Variants in FAM110B observed in about 807,000 individuals in gnomAD.
The protein encoded by FAM110B is family with sequence similarity 110 member B.
FAM110B carries 6 observed loss-of-function variants against 20.4 expected under a neutral mutation model. That is an observed-to-expected ratio of 0.29 (90% CI 0.16 to 0.58). The LOEUF is 0.58. Among genes scored for constraint, FAM110B ranks in the 20% least tolerant of loss-of-function variants. The probability of loss-of-function intolerance (pLI) is 0.90; values close to 1 mark genes in which losing one functional copy is unlikely to be tolerated. For missense variants in FAM110B, 434 were observed against 498.2 expected (o/e 0.87, Z 1.23); for synonymous variants, 226 against 214.1 (o/e 1.06, Z -0.49).
intron 3 of FAM110B, among the ~76,000 whole-genome samples, chr8:58,107,512 G>A (rs1260113197): frequency 6.6e-6 from 1 of 152,170 alleles, no homozygotes. Context: ...GGGATTTATT[G>A]TGTGTTTTGT....
At chr8:58,137,416 C>T (rs1033214377) in intron 3 of FAM110B, among the ~76,000 whole-genome samples, 5 of 152,154 alleles carry the variant, frequency 3.3e-5, no homozygotes, top group African/African-American at 9.7e-5. Flanking sequence ...CAAAAATTAG[C>T]CAGGCGTAGT....
intron 1 of FAM110B, among the ~76,000 whole-genome samples, chr8:58,023,508 C>A (rs1381549461): frequency 6.6e-6 from 1 of 152,138 alleles, no homozygotes; most frequent in Non-Finnish European, 1.5e-5. Flanking sequence ...AATCTCAGGT[C>A]CTGCACAAGT....
chr8:58,068,705 C>G (rs181633625), intron 2 of FAM110B, among the ~76,000 whole-genome samples: 1 of 151,778 alleles, frequency 6.6e-6, no homozygotes, highest in Non-Finnish European at 1.5e-5. Context: ...ATGAAAAAAA[C>G]CATTTAACAT....
intron 3 of FAM110B, among the ~76,000 whole-genome samples, chr8:58,135,363 T>C (rs1172027481): frequency 6.6e-6 from 1 of 152,222 alleles, no homozygotes; most frequent in African/African-American, 2.4e-5. Context: ...ATGTGCTTAA[T>C]AGGAAGTGGT....
chr8:58,056,938 C>G (rs773469936), intron 2 of FAM110B, among the ~76,000 whole-genome samples: 2 of 152,098 alleles, frequency 1.3e-5, no homozygotes, highest in African/African-American at 2.4e-5. Flanking sequence ...GACGCAAGGC[C>G]GAAAATGAGG....
chr8:58,057,363 A>G (rs1416219220), intron 2 of FAM110B, among the ~76,000 whole-genome samples: 1 of 152,212 alleles, frequency 6.6e-6, no homozygotes, highest in Non-Finnish European at 1.5e-5. Context: ...GTGCACAAAC[A>G]CAGGGCACAT....
chr8:58,051,775 A>G (rs988254788), intron 2 of FAM110B, among the ~76,000 whole-genome samples: 1 of 152,106 alleles, frequency 6.6e-6, no homozygotes, highest in African/African-American at 2.4e-5. Context: ...CACCTAAAAT[A>G]AGTTGTTAAC....
chr8:58,017,202 A>G (rs1055314728), intron 1 of FAM110B, among the ~76,000 whole-genome samples: 1 of 152,200 alleles, frequency 6.6e-6, no homozygotes, highest in Non-Finnish European at 1.5e-5. Flanking sequence ...CAAAGATTTG[A>G]GCATTTACAA....
intron 2 of FAM110B, among the ~76,000 whole-genome samples, chr8:58,052,641 G>T (rs1343665564): frequency 6.6e-6 from 1 of 152,074 alleles, no homozygotes; most frequent in Admixed American, 6.5e-5. Context: ...CAGGGATGGA[G>T]ATAGATGTAT....
chr8:58,104,897 A>G (rs1288691910), intron 3 of FAM110B, among the ~76,000 whole-genome samples: 1 of 151,450 alleles, frequency 6.6e-6, no homozygotes, highest in Non-Finnish European at 1.5e-5. Context: ...GTAACTTTGC[A>G]TCAGCCACAT....
chr8:58,073,976 T>C (rs866639803), intron 2 of FAM110B, among the ~76,000 whole-genome samples: 1 of 152,206 alleles, frequency 6.6e-6, no homozygotes, highest in Non-Finnish European at 1.5e-5. Flanking sequence ...AGATCTTGCA[T>C]TTCTACTCCT....
chr8:58,103,928 G>C (rs751181532), intron 3 of FAM110B, among the ~76,000 whole-genome samples: 9 of 152,182 alleles, frequency 5.9e-5, no homozygotes, highest in African/African-American at 2.2e-4. Context: ...TCCCATAGTA[G>C]CTGGAACTCT....
At chr8:58,050,643 A>G (rs958614026) in intron 2 of FAM110B, among the ~76,000 whole-genome samples, 4 of 152,290 alleles carry the variant, frequency 2.6e-5, no homozygotes, top group African/African-American at 2.4e-5. Context: ...CCCTCATCAG[A>G]TTCCTGTCAG....
At chr8:58,059,037 T>G (rs1805604942) in intron 2 of FAM110B, among the ~76,000 whole-genome samples, 1 of 152,220 alleles carries the variant, frequency 6.6e-6, no homozygotes, top group Non-Finnish European at 1.5e-5. Context: ...AATGGAATCC[T>G]ATAGTAACTA....
At chr8:58,137,201 A>G (rs1803638444) in intron 3 of FAM110B, among the ~76,000 whole-genome samples, 1 of 152,198 alleles carries the variant, frequency 6.6e-6, no homozygotes, top group Non-Finnish European at 1.5e-5. Context: ...TTTACCATAA[A>G]CCTTGAAATC....
intron 1 of FAM110B, among the ~76,000 whole-genome samples, chr8:58,016,359 T>C (rs899147219): frequency 6.6e-6 from 1 of 152,190 alleles, no homozygotes; most frequent in Non-Finnish European, 1.5e-5. Flanking sequence ...AGGGAGCTTC[T>C]GGCTTGGGCC....
intron 2 of FAM110B, among the ~76,000 whole-genome samples, chr8:58,060,255 A>T (rs1450712139): frequency 6.6e-6 from 1 of 152,196 alleles, no homozygotes; most frequent in African/African-American, 2.4e-5. Flanking sequence ...GTGAAACATC[A>T]CTAATGCATG....
At chr8:58,066,507 G>A (rs566250925) in intron 2 of FAM110B, among the ~76,000 whole-genome samples, 11 of 152,282 alleles carry the variant, frequency 7.2e-5, no homozygotes, top group African/African-American at 2.6e-4. Flanking sequence ...GGCCATCCAG[G>A]CCACAGCTGA....
chr8:58,142,172 C>T (rs887606146), intron 3 of FAM110B, among the ~76,000 whole-genome samples: 2 of 152,202 alleles, frequency 1.3e-5, no homozygotes, highest in Non-Finnish European at 2.9e-5. Flanking sequence ...GACTTTTGCT[C>T]ATTCAGAGAC....
Sources: allele counts gnomAD v4.1 joint callset (sites outside exome capture counted in the v4.1 genomes callset), GRCh38; gene constraint gnomAD v4.1.1; transcripts MANE v1.5; gene names NCBI Gene and HGNC (gene_info 2026-07-23, HGNC 2026-07-21).